SLC7A14: variants seen among roughly 807,000 people sequenced by gnomAD.
The protein encoded by SLC7A14 is gamma-aminobutyric acid transporter SLC7A14.
A neutral mutation model predicts 60.2 loss-of-function variants in SLC7A14; 37 were observed. The ratio of observed to expected loss-of-function variants is 0.61; its 90% CI spans 0.47 to 0.81. SLC7A14 has a LOEUF of 0.81. SLC7A14 is among the 30% of genes least tolerant of loss of function. SLC7A14 has a pLI of 0.00. For missense variants in SLC7A14, 886 were observed against 982.7 expected (o/e 0.90, Z 1.32); for synonymous variants, 399 against 395.8 (o/e 1.01, Z -0.10).
intron 2 of SLC7A14, among the ~76,000 whole-genome samples, chr3:170,504,779 A>G (rs982361368): frequency 6.6e-6 from 1 of 152,192 alleles, no homozygotes; most frequent in Admixed American, 6.5e-5. Flanking sequence ...TCAACTCTTA[A>G]TCATCTAGTT....
intron 4 of SLC7A14, among the ~76,000 whole-genome samples, chr3:170,492,333 T>C (rs1334077895): frequency 6.6e-6 from 1 of 152,148 alleles, no homozygotes; most frequent in Non-Finnish European, 1.5e-5. Context: ...TTTTGCAAAA[T>C]TAAAAAATAG....
chr3:170,554,868 T>A (rs1210853241), intron 1 of SLC7A14, among the ~76,000 whole-genome samples: 2 of 152,228 alleles, frequency 1.3e-5, no homozygotes, highest in East Asian at 1.9e-4. Context: ...CAAGCACTTT[T>A]AAAAAAATAT....
intron 1 of SLC7A14, among the ~76,000 whole-genome samples, chr3:170,559,688 A>G (rs140226243): frequency 1.3e-5 from 2 of 152,216 alleles, no homozygotes; most frequent in African/African-American, 2.4e-5. Flanking sequence ...AAATAACCCA[A>G]TAGATTCAAG....
chr3:170,512,809 G>T (rs918828433), intron 2 of SLC7A14, among the ~76,000 whole-genome samples: 1 of 150,402 alleles, frequency 6.6e-6, no homozygotes, highest in Non-Finnish European at 1.5e-5. Context: ...GACTACAGGC[G>T]CCCGCCACTA....
intron 1 of SLC7A14, among the ~76,000 whole-genome samples, chr3:170,546,819 G>A (rs1415739391): frequency 6.6e-6 from 1 of 152,106 alleles, no homozygotes; most frequent in Non-Finnish European, 1.5e-5. Context: ...ACTTGAATTG[G>A]TATTGTTGGT....
intron 6 of SLC7A14, among the ~76,000 whole-genome samples, chr3:170,482,497 C>T (rs546498829): frequency 1.3e-5 from 2 of 152,368 alleles, no homozygotes; most frequent in South Asian, 2.1e-4. Context: ...CCACGGTTTA[C>T]TCCTTGCTTT....
rs1460655116 is a variant in SLC7A14 at position 170,483,532 on chromosome 3, C to T, written c.907-10G>A. The T allele has an allele frequency of 2.5e-6, 4 of 1,614,024 alleles. No individual in the cohort carries two copies. In the African/African-American group the frequency reaches 4.0e-5, roughly 16 times the overall value. On this transcript the variant is annotated splice_polypyrimidine_tract_variant and intron_variant, in intron 5 of 7. Coordinates refer to ENST00000231706, the MANE Select transcript of SLC7A14 (RefSeq NM_020949.3). ...TTAAGATCACGCTCACCTGTTAAAA[C>T]AAGAGAAGACAGGGCTGGAGGTACA...
intron 4 of SLC7A14, chr3:170,496,096 A>T (rs1577512609): frequency 8.3e-7 from 1 of 1,204,432 alleles, no homozygotes; most frequent in Non-Finnish European, 1.2e-6. Context: ...GACGAGATCA[A>T]CTTCCTCAGG....
At chr3:170,538,627 C>T (rs1713919744) in intron 1 of SLC7A14, among the ~76,000 whole-genome samples, 1 of 152,240 alleles carries the variant, frequency 6.6e-6, no homozygotes, top group Non-Finnish European at 1.5e-5. Context: ...TTACTGCTCT[C>T]AGTACACACC....
intron 5 of SLC7A14, among the ~76,000 whole-genome samples, chr3:170,483,999 G>C (rs1711937343): frequency 6.6e-6 from 1 of 152,170 alleles, no homozygotes; most frequent in Non-Finnish European, 1.5e-5. Context: ...TGAAACACCA[G>C]AGATAAAATC....
At chr3:170,499,587 C>T (rs914986705) in intron 3 of SLC7A14, among the ~76,000 whole-genome samples, 1 of 152,128 alleles carries the variant, frequency 6.6e-6, no homozygotes, top group South Asian at 2.1e-4. Context: ...AAATTTCCAT[C>T]CCATTCCCAA....
At chr3:170,485,003 G>A (rs1436384596) in intron 5 of SLC7A14, among the ~76,000 whole-genome samples, 1 of 152,082 alleles carries the variant, frequency 6.6e-6, no homozygotes, top group Non-Finnish European at 1.5e-5. Flanking sequence ...ACTTTATTGT[G>A]TGTGATAAGG....
intron 2 of SLC7A14, among the ~76,000 whole-genome samples, chr3:170,523,045 A>G (rs1311704859): frequency 6.6e-6 from 1 of 152,250 alleles, no homozygotes; most frequent in East Asian, 1.9e-4. Context: ...CTCTCTGGAA[A>G]GCACCTAATT....
intron 7 of SLC7A14, among the ~76,000 whole-genome samples, chr3:170,469,903 A>G (rs185784759): frequency 1.3e-5 from 2 of 152,100 alleles, no homozygotes; most frequent in East Asian, 3.9e-4. Flanking sequence ...TTGTTCAGTC[A>G]CTGGTTTGAC....
At chr3:170,548,490 C>A (rs539685167) in intron 1 of SLC7A14, among the ~76,000 whole-genome samples, 86 of 152,330 alleles carry the variant, frequency 5.6e-4, no homozygotes, top group Admixed American at 2.4e-3. Flanking sequence ...AGCAGTGAGG[C>A]TCTGCCCCAC....
At chr3:170,542,383 T>C (rs1284603146) in intron 1 of SLC7A14, among the ~76,000 whole-genome samples, 2 of 152,180 alleles carry the variant, frequency 1.3e-5, no homozygotes, top group African/African-American at 4.8e-5. Flanking sequence ...CTCACAAAAC[T>C]AGCAAGTAAA....
Position 170,585,179 on chromosome 3 carries a change from G to A in SLC7A14, c.-153+732C>T, listed in dbSNP as rs541128460. On this transcript the variant is annotated intron_variant, in intron 1 of 7. Coordinates refer to ENST00000231706, the MANE Select transcript of SLC7A14 (RefSeq NM_020949.3). The surrounding 1 kb of genome is among the most constrained non-coding windows in gnomAD (Gnocchi z 5.1). ...TGCTTTGGAATGGGAGAAGAGAGGA[G>A]ACTGAGGGTTGAAGCAGTGCAGGAG... is the stretch of plus-strand genomic sequence containing the variant. Among the ~76,000 whole-genome samples, 45 of 152,300 alleles carry A rather than the reference G, an allele frequency of 3.0e-4. No homozygotes were observed. Among genetic ancestry groups the A allele is most frequent in the African/African-American group, 1.1e-3 (45 of 41,578 alleles).
intron 7 of SLC7A14, among the ~76,000 whole-genome samples, chr3:170,472,632 C>T (rs907304537): frequency 5.3e-5 from 8 of 151,448 alleles, no homozygotes; most frequent in African/African-American, 1.7e-4. Flanking sequence ...CCGGGCATGG[C>T]GGTGGGCACC....
chr3:170,525,992 G>C (rs1238402214), intron 2 of SLC7A14, among the ~76,000 whole-genome samples: 1 of 151,768 alleles, frequency 6.6e-6, no homozygotes, highest in Non-Finnish European at 1.5e-5. Flanking sequence ...CAGAAGAAGC[G>C]CTTGAACCCG....
Sources: gnomAD v4.1 joint callset for allele counts (sites outside exome capture counted in the v4.1 genomes callset) on GRCh38, gnomAD v4.1.1 for gene constraint, Gnocchi (gnomAD v3.1) non-coding constraint, MANE v1.5 for transcripts, NCBI Gene and HGNC (gene_info 2026-07-23, HGNC 2026-07-21) for gene names.